The following DNAI4 variants were observed in gnomAD, a reference collection of about 807,000 sequenced individuals.
The protein encoded by DNAI4 is dynein axonemal intermediate chain 4, also known as WD repeat domain 78.
Under a neutral mutation model 105.8 loss-of-function variants are expected in DNAI4, and 85 were observed. That is an observed-to-expected ratio of 0.80 (90% CI 0.67 to 0.96). The LOEUF (loss-of-function observed/expected upper bound fraction) is 0.96. Among genes scored for constraint, DNAI4 ranks in the 40% least tolerant of loss-of-function variants. The pLI, the probability that DNAI4 is intolerant of heterozygous loss-of-function variation, is 0.00. For synonymous variants in DNAI4, 352 were observed against 331.5 expected (o/e 1.06, Z -0.67); for missense variants, 1,014 against 1,005.6 (o/e 1.01, Z -0.11).
chr1:66,878,075 G>C (rs959080410), intron 4 of DNAI4, among the ~76,000 whole-genome samples: 5 of 151,982 alleles, frequency 3.3e-5, no homozygotes, highest in Non-Finnish European at 7.4e-5. Flanking sequence ...TTGTAGAATG[G>C]GAAGTTAAGA....
intron 6 of DNAI4, among the ~76,000 whole-genome samples, chr1:66,867,265 C>G (rs879442225): frequency 2.0e-5 from 3 of 152,132 alleles, no homozygotes; most frequent in Admixed American, 2.0e-4. Context: ...TTTCTGTCCC[C>G]CACATTTTAA....
In DNAI4 at chr1:66,912,698, G is replaced by A. The variant is rs578216472; in HGVS notation, c.171-7323C>T. On this transcript the variant is annotated intron_variant, in intron 1 of 16. Transcript: ENST00000371026. Reference sequence around the variant, plus strand: ...CTTCCTGAGGCTGAGTCACGGGCGCGCATGCTCAACTTTGGCCAGATAAAC... The same window carrying A: ...CTTCCTGAGGCTGAGTCACGGGCGCACATGCTCAACTTTGGCCAGATAAAC... Among the ~76,000 whole-genome samples the A allele has an allele frequency of 2.0e-5, 3 of 152,254 alleles. No individual in the cohort carries two copies. In the South Asian group the frequency reaches 6.2e-4, roughly 32 times the overall value.
intron 7 of DNAI4, chr1:66,848,021 T>C (rs1237958999): frequency 2.7e-6 from 1 of 369,048 alleles, no homozygotes; most frequent in East Asian, 7.2e-5. Flanking sequence ...AGAAATACTA[T>C]ACTATTGTAT....
At chr1:66,848,255 A>G (rs1198827140) in intron 7 of DNAI4, 2 of 456,162 alleles carry the variant, frequency 4.4e-6, no homozygotes, top group Non-Finnish European at 8.8e-6. Context: ...AGACAGCAAC[A>G]TTGATTGCAT....
chr1:66,834,282 G>GA lies in DNAI4; in HGVS notation c.1734-135dup, dbSNP rs1265679836. ...ATAATCCTTTTATTGTTCAAAAATAGACTTTTATTTTAAATATTTTTAAAA... is the reference window on the plus strand; with the variant it reads ...ATAATCCTTTTATTGTTCAAAAATAGAACTTTTATTTTAAATATTTTTAAAA... On this transcript the variant is annotated intron_variant, in intron 11 of 16. Transcript: ENST00000371026. 6.5e-6 allele frequency: 4 copies of GA among 616,966 alleles called. No individual in the cohort carries two copies. The Admixed American group carries it at 1.3e-4, about 19-fold the overall frequency. 38.2% of individuals were successfully genotyped at this position (616,966 alleles called of 1,614,324 possible). A position where few individuals can be genotyped will look rare whatever the true frequency, so the allele number is the denominator to read the frequency against.
At chr1:66,885,872 T>C (rs1235430134) in intron 4 of DNAI4, among the ~76,000 whole-genome samples, 1 of 152,206 alleles carries the variant, frequency 6.6e-6, no homozygotes, top group East Asian at 1.9e-4. Context: ...TCTTGCTTGG[T>C]ATTCTTTTTG....
chr1:66,864,590 G>A (rs796544888), intron 6 of DNAI4, among the ~76,000 whole-genome samples: 11 of 152,310 alleles, frequency 7.2e-5, no homozygotes, highest in African/African-American at 2.6e-4. Flanking sequence ...GGTGGCTCAC[G>A]CCTGTAATCC....
In DNAI4 at chr1:66,898,224, G is replaced by A. The variant is rs1485729587; in HGVS notation, c.346-4811C>T. ...ATGTCTGTCCAACCATTGTATCTTG[G>A]AAGTAAATAGTTTGTTTTGATTTCA... On this transcript the variant is annotated intron_variant, in intron 2 of 16. Coordinates refer to ENST00000371026, the MANE Select transcript of DNAI4 (RefSeq NM_024763.5). Among the ~76,000 whole-genome samples the A allele has an allele frequency of 4.6e-5, 7 of 151,822 alleles. 1 individual carries two copies. Among genetic ancestry groups the A allele is most frequent in the Admixed American group, 2.0e-4 (3 of 15,256 alleles).
chr1:66,872,361 T>C (rs1162451680), intron 5 of DNAI4, among the ~76,000 whole-genome samples: 1 of 152,044 alleles, frequency 6.6e-6, no homozygotes. Context: ...CCCGAGAAGC[T>C]GGTACTACTG....
intron 2 of DNAI4, among the ~76,000 whole-genome samples, chr1:66,896,243 G>T (rs1648329060): frequency 6.6e-6 from 1 of 151,866 alleles, no homozygotes; most frequent in South Asian, 2.1e-4. Context: ...TGTCTGCTTT[G>T]GTAAAGTGTA....
chr1:66,843,664 T>A (rs1057213987), intron 8 of DNAI4, among the ~76,000 whole-genome samples: 5 of 152,172 alleles, frequency 3.3e-5, no homozygotes, highest in African/African-American at 1.2e-4. Context: ...TTTATAGTTT[T>A]GCATTTTACA....
chr1:66,837,894 G>T lies in DNAI4; in HGVS notation c.1495-98C>A, dbSNP rs557048564. 4 of 1,158,868 alleles carry T rather than the reference G, an allele frequency of 3.5e-6. No homozygotes were observed. The African/African-American group carries it at 6.4e-5, about 18-fold the overall frequency. 71.8% of individuals were successfully genotyped at this position (1,158,868 alleles called of 1,614,324 possible). ...ATATTAATGAGCTGTGTTAAAAATA[G>T]TAGTAAGACATTTCATCTGAGAGGA... On this transcript the variant is annotated intron_variant, in intron 9 of 16. Transcript: ENST00000371026.
In DNAI4 at chr1:66,813,891, A is replaced by C. The variant is rs1231470176; in HGVS notation, c.*239T>G. The C allele has an allele frequency of 4.9e-6, 2 of 407,634 alleles. No individual in the cohort carries two copies. Among genetic ancestry groups the C allele is most frequent in the Non-Finnish European group, 4.3e-6 (1 of 230,268 alleles). 25.3% of individuals were successfully genotyped at this position (407,634 alleles called of 1,614,324 possible). On this transcript the variant is annotated 3_prime_UTR_variant, in exon 17 of 17. Transcript: ENST00000371026. The stretch of plus-strand genomic sequence containing the variant: ...TATGTACTTAGAATATGATCAAGAG[A>C]GTAGGAATATCTTTAGAAAAATTAA...
At chr1:66,827,988 G>T in intron 13 of DNAI4, 78 bp from the exon 14 acceptor site, 1 of 909,652 alleles carries the variant, frequency 1.1e-6, no homozygotes, top group South Asian at 1.9e-5. Flanking sequence ...GATATTTCTG[G>T]ATCTATTAAA....
chr1:66,823,001 G>A (rs998210123), intron 15 of DNAI4, among the ~76,000 whole-genome samples: 2 of 151,930 alleles, frequency 1.3e-5, no homozygotes, highest in African/African-American at 4.8e-5. Context: ...CTGGTGCGCT[G>A]CACCCACTAA....
chr1:66,874,700 C>A (rs1569701491), intron 5 of DNAI4, 81 bp downstream of exon 5: 4 of 1,451,492 alleles, frequency 2.8e-6, no homozygotes, highest in Non-Finnish European at 3.7e-6. Context: ...CCCCCAAGGA[C>A]CCTTCACAGA....
intron 2 of DNAI4, among the ~76,000 whole-genome samples, chr1:66,903,715 G>A (rs2104415): frequency 0.7 from 106,860 of 151,926 alleles, 37,910 homozygotes; most frequent in East Asian, 0.87. Flanking sequence ...GGCTGGTCTC[G>A]AACTCCTGAC....
At chr1:66,818,384 T>C (rs545946613) in intron 16 of DNAI4, among the ~76,000 whole-genome samples, 3 of 152,054 alleles carry the variant, frequency 2.0e-5, no homozygotes, top group Non-Finnish European at 4.4e-5. Flanking sequence ...ATATTAAATT[T>C]ATAAATGAGA....
intron 1 of DNAI4, among the ~76,000 whole-genome samples, chr1:66,915,343 C>T (rs1264425329): frequency 6.6e-6 from 1 of 152,116 alleles, no homozygotes; most frequent in African/African-American, 2.4e-5. Context: ...TGCCTGTGCC[C>T]AGGAATGAAC....
Sources: allele counts gnomAD v4.1 joint callset (sites outside exome capture counted in the v4.1 genomes callset), GRCh38; gene constraint gnomAD v4.1.1; transcripts MANE v1.5; gene names NCBI Gene and HGNC (gene_info 2026-07-23, HGNC 2026-07-21).